Variants in NTN1 observed in about 807,000 individuals in gnomAD.
NTN1 encodes the protein netrin-1.
Under a neutral mutation model 54.2 loss-of-function variants are expected in NTN1, and 11 were observed. The observed-to-expected ratio is 0.20, with a 90% CI of 0.13 to 0.34. The LOEUF is 0.34. NTN1 is among the 10% of genes least tolerant of loss of function. The pLI, the probability that NTN1 is intolerant of heterozygous loss-of-function variation, is 1.00. For missense variants in NTN1, 740 were observed against 893.1 expected (o/e 0.83, Z 2.18); for synonymous variants, 371 against 382.0 (o/e 0.97, Z 0.33).
intron 2 of NTN1, among the ~76,000 whole-genome samples, chr17:9,026,398 G>C (rs1567693111): frequency 6.7e-6 from 1 of 149,540 alleles, no homozygotes; most frequent in Non-Finnish European, 1.5e-5. Flanking sequence ...TTCCGGGGGG[G>C]GGGAACAAAC....
chr17:9,013,974 C>T, the NTN1 span, among the ~76,000 whole-genome samples: 4 of 152,178 alleles, frequency 2.6e-5, no homozygotes, highest in South Asian at 2.1e-4. Context: ...CATCCACAGG[C>T]ATTTTCACCC....
intron 2 of NTN1, among the ~76,000 whole-genome samples, chr17:9,114,966 A>G (rs1005693263): frequency 7.9e-5 from 12 of 152,172 alleles, no homozygotes; most frequent in Admixed American, 5.2e-4. Context: ...AGAACCTGAC[A>G]TGGTGGGAGG....
intron 2 of NTN1, among the ~76,000 whole-genome samples, chr17:9,104,020 C>G (rs1010348972): frequency 7.5e-6 from 1 of 132,706 alleles, no homozygotes; most frequent in Non-Finnish European, 1.5e-5. Flanking sequence ...ACCCAGGAGT[C>G]AGAGGTTGCA....
intron 2 of NTN1, among the ~76,000 whole-genome samples, chr17:9,048,363 A>T (rs1215417761): frequency 6.6e-6 from 1 of 151,986 alleles, no homozygotes; most frequent in East Asian, 1.9e-4. Context: ...GTGGGCTTAA[A>T]ATATTAAGTA....
intron 5 of NTN1, among the ~76,000 whole-genome samples, chr17:9,195,585 A>AGCTAGGCTGAGGCTGAG (rs1904609999): frequency 6.6e-6 from 1 of 152,144 alleles, no homozygotes; most frequent in Non-Finnish European, 1.5e-5. Flanking sequence ...GCAGGGGTGG[A>AGCTAGGCTGAGGCTGAG]TGCAGAGAAC....
intron 3 of NTN1, chr17:9,172,660 C>T (rs62068196): frequency 0.024 from 3,620 of 152,198 alleles, 65 homozygotes; most frequent in East Asian, 0.039. Context: ...TCATCAAAGA[C>T]GGGCAGATCA....
intron 2 of NTN1, among the ~76,000 whole-genome samples, chr17:9,110,706 T>A (rs1029403204): frequency 2.0e-5 from 3 of 152,166 alleles, no homozygotes; most frequent in Admixed American, 6.5e-5. Flanking sequence ...ACAGTCAGGG[T>A]CTCAGCAGAG....
At chr17:9,214,589 G>A (rs1905176714) in intron 5 of NTN1, among the ~76,000 whole-genome samples, 2 of 152,208 alleles carry the variant, frequency 1.3e-5, no homozygotes, top group Admixed American at 6.5e-5. Flanking sequence ...TTGGGAGGCC[G>A]AGGCAGGCGG....
At chr17:9,105,055 GA>G (rs1405877063) in intron 2 of NTN1, among the ~76,000 whole-genome samples, 1 of 152,224 alleles carries the variant, frequency 6.6e-6, no homozygotes, top group Non-Finnish European at 1.5e-5. Context: ...GCCCGTGAGA[GA>G]CCCGGCAGTC....
At chr17:9,033,250 G>A (rs929374453) in intron 2 of NTN1, among the ~76,000 whole-genome samples, 11 of 151,948 alleles carry the variant, frequency 7.2e-5, no homozygotes, top group Non-Finnish European at 1.3e-4. Flanking sequence ...CACCGTGCCC[G>A]GCCCAATCCT....
At chr17:9,054,876 G>C (rs2091974098) in intron 2 of NTN1, among the ~76,000 whole-genome samples, 1 of 152,160 alleles carries the variant, frequency 6.6e-6, no homozygotes, top group Non-Finnish European at 1.5e-5. Flanking sequence ...TCGCAACAAA[G>C]GGGCAAAATG....
intron 6 of NTN1, among the ~76,000 whole-genome samples, chr17:9,232,263 GGGCACCCCA>G (rs1029905756): frequency 4.1e-4 from 63 of 152,310 alleles, no homozygotes; most frequent in African/African-American, 1.4e-3. Context: ...TGCATCCCGA[GGGCACCCCA>G]GCTGGGGCAG....
intron 5 of NTN1, among the ~76,000 whole-genome samples, chr17:9,190,522 G>C (rs141767488): frequency 6.6e-6 from 1 of 152,164 alleles, no homozygotes; most frequent in Non-Finnish European, 1.5e-5. Flanking sequence ...TGTGGTACTG[G>C]TGTAGGAATA....
At chr17:9,039,575 T>C (rs2091914916) in intron 2 of NTN1, among the ~76,000 whole-genome samples, 1 of 152,216 alleles carries the variant, frequency 6.6e-6, no homozygotes, top group Admixed American at 6.5e-5. Context: ...GTTTGACTTA[T>C]GTATACACCT....
intron 2 of NTN1, among the ~76,000 whole-genome samples, chr17:9,055,040 G>T (rs1005230193): frequency 6.6e-6 from 1 of 152,152 alleles, no homozygotes; most frequent in Admixed American, 6.5e-5. Flanking sequence ...GTTAAATGGC[G>T]AACAGAGCGC....
intron 2 of NTN1, among the ~76,000 whole-genome samples, chr17:9,149,033 C>T (rs1325297089): frequency 6.6e-6 from 1 of 152,104 alleles, no homozygotes; most frequent in Admixed American, 6.5e-5. Flanking sequence ...CATTAAGCCT[C>T]CCTTGCACCA....
intron 2 of NTN1, among the ~76,000 whole-genome samples, chr17:9,048,378 A>G (rs888173330): frequency 1.7e-4 from 26 of 151,834 alleles, no homozygotes; most frequent in African/African-American, 6.1e-4. Context: ...TAAGTACACC[A>G]TGCTGTAAAC....
intron 5 of NTN1, among the ~76,000 whole-genome samples, chr17:9,198,296 G>A (rs1346527422): frequency 1.3e-5 from 2 of 152,218 alleles, no homozygotes; most frequent in Non-Finnish European, 2.9e-5. Context: ...CAAAAGGGCT[G>A]GGCAGTGATA....
At chr17:9,213,040 C>G (rs906586304) in intron 5 of NTN1, among the ~76,000 whole-genome samples, 5 of 152,210 alleles carry the variant, frequency 3.3e-5, no homozygotes, top group Non-Finnish European at 5.9e-5. Flanking sequence ...GCAGGACGGT[C>G]TCGGCCGCTG....
Sources: gnomAD v4.1 joint callset for allele counts (sites outside exome capture counted in the v4.1 genomes callset) on GRCh38, gnomAD v4.1.1 for gene constraint, MANE v1.5 for transcripts, NCBI Gene and HGNC (gene_info 2026-07-23, HGNC 2026-07-21) for gene names.